The following BLTP1 variants were observed in gnomAD, a reference collection of about 807,000 sequenced individuals.
BLTP1 encodes bridge-like lipid transfer protein family member 1.
chr4:122,223,502 A>G, the BLTP1 span, among the ~76,000 whole-genome samples: 1 of 152,200 alleles, frequency 6.6e-6, no homozygotes, highest in African/African-American at 2.4e-5. Context: ...CAAGGCAGAA[A>G]TGGTTATTAA....
chr4:122,333,643 G>C, the BLTP1 span: 4 of 1,600,230 alleles, frequency 2.5e-6, no homozygotes, highest in African/African-American at 5.4e-5. Context: ...TATGATCGAA[G>C]TTCCAGGAGC....
At chr4:122,298,952 A>C in the BLTP1 span, 1 of 985,352 alleles carries the variant, frequency 1.0e-6, no homozygotes, top group Non-Finnish European at 1.2e-6. Flanking sequence ...AGTGTGTTGG[A>C]GAAATGACAG....
At chr4:122,289,874 C>T in the BLTP1 span, 49 of 785,992 alleles carry the variant, frequency 6.2e-5, no homozygotes, top group South Asian at 1.2e-4. Context: ...ATGAGTTCTG[C>T]GAATGACAAG....
chr4:122,291,404 T>A, the BLTP1 span, among the ~76,000 whole-genome samples: 1 of 152,242 alleles, frequency 6.6e-6, no homozygotes, highest in South Asian at 2.1e-4. Flanking sequence ...CTCAGTACTC[T>A]GATCTCTGTA....
the BLTP1 span, chr4:122,235,061 T>C: frequency 1.3e-6 from 2 of 1,505,632 alleles, no homozygotes; most frequent in South Asian, 2.4e-5. Context: ...AATTGTTTAC[T>C]TTCTTCATCA....
At chr4:122,303,478 ATT>A in the BLTP1 span, among the ~76,000 whole-genome samples, 6 of 152,236 alleles carry the variant, frequency 3.9e-5, no homozygotes, top group Admixed American at 3.9e-4. Context: ...CAAGTGTATG[ATT>A]TAAGAAATAC....
chr4:122,205,571 C>CCTCT, the BLTP1 span, among the ~76,000 whole-genome samples: 223 of 98,400 alleles, frequency 2.3e-3, 3 homozygotes, highest in African/African-American at 8.0e-3. Flanking sequence ...CAATTGTTTC[C>CCTCT]CTCTCTCTCT....
At chr4:122,344,869 A>G in the BLTP1 span, 1 of 984,752 alleles carries the variant, frequency 1.0e-6, no homozygotes, top group Non-Finnish European at 1.2e-6. Context: ...TGTTCTTCTA[A>G]TTGTAAATGC....
At chr4:122,206,957 A>G in the BLTP1 span, 1 of 186,418 alleles carries the variant, frequency 5.4e-6, no homozygotes, top group Non-Finnish European at 1.0e-5. Flanking sequence ...TTATTTAAAT[A>G]CATCCTAATC....
the BLTP1 span, among the ~76,000 whole-genome samples, chr4:122,327,135 G>GTTTT: frequency 3.6e-5 from 2 of 54,976 alleles, no homozygotes; most frequent in Non-Finnish European, 8.6e-5. Flanking sequence ...TGTTTTGTTT[G>GTTTT]ACCTATTTAA....
chr4:122,288,194 C>T, the BLTP1 span, among the ~76,000 whole-genome samples: 1 of 152,048 alleles, frequency 6.6e-6, no homozygotes, highest in Non-Finnish European at 1.5e-5. Flanking sequence ...ATACCTTGTA[C>T]TAATCATAGG....
At chr4:122,208,599 A>G in the BLTP1 span, 4 of 979,496 alleles carry the variant, frequency 4.1e-6, no homozygotes, top group Non-Finnish European at 4.9e-6. Context: ...GAACTTAAAA[A>G]AAATATCTGT....
At chr4:122,153,290 A>G in the BLTP1 span, among the ~76,000 whole-genome samples, 12 of 151,560 alleles carry the variant, frequency 7.9e-5, no homozygotes, top group African/African-American at 2.9e-4. Context: ...GTAAGTTTCA[A>G]CCGGTTTAGT....
chr4:122,281,879 A>T, the BLTP1 span: 1 of 1,315,990 alleles, frequency 7.6e-7, no homozygotes, highest in Non-Finnish European at 9.9e-7. Context: ...TATTATAAGT[A>T]ATTTTGATTA....
chr4:122,298,351 T>G, the BLTP1 span: 258 of 340,118 alleles, frequency 7.6e-4, 1 homozygote, highest in Middle Eastern at 3.0e-3. Flanking sequence ...CTTAGCTTAA[T>G]TTCACCCATC....
the BLTP1 span, chr4:122,201,031 C>T: frequency 3.7e-6 from 6 of 1,612,778 alleles, no homozygotes; most frequent in Non-Finnish European, 5.1e-6. Context: ...GCCAGCTACC[C>T]CCGAATATGG....
At chr4:122,304,798 G>C in the BLTP1 span, 1 of 1,613,190 alleles carries the variant, frequency 6.2e-7, no homozygotes, top group Non-Finnish European at 8.5e-7. Flanking sequence ...AATCTGCTAG[G>C]GTATTCAAGT....
At chr4:122,261,778 A>G in the BLTP1 span, 1 of 978,680 alleles carries the variant, frequency 1.0e-6, no homozygotes, top group Non-Finnish European at 1.2e-6. Flanking sequence ...GGATTAAATA[A>G]GCTAATACAT....
At chr4:122,261,507 G>C in the BLTP1 span, 1 of 982,110 alleles carries the variant, frequency 1.0e-6, no homozygotes, top group Non-Finnish European at 1.2e-6. Flanking sequence ...AGATGTGACA[G>C]AAGATAGAAA....
Sources: gnomAD v4.1 joint callset for allele counts (sites outside exome capture counted in the v4.1 genomes callset) on GRCh38, gnomAD v4.1.1 for gene constraint, MANE v1.5 for transcripts, NCBI Gene and HGNC (gene_info 2026-07-23, HGNC 2026-07-21) for gene names.